The following CIDEB variants were observed in gnomAD, a reference collection of about 807,000 sequenced individuals.
CIDEB encodes the protein cell death inducing DFFA like effector b, also known as lipid transferase CIDEB.
In CIDEB, 27 loss-of-function variants were observed where a neutral mutation model predicts 22.4. The observed-to-expected ratio is 1.21, with a 90% CI of 0.89 to 1.66. The LOEUF is 1.66. Among genes scored for constraint, CIDEB ranks in the 40% most tolerant of loss-of-function variants. The pLI is 0.00. For synonymous variants in CIDEB, 103 were observed against 109.5 expected, an observed-to-expected ratio of 0.94 and a Z score of 0.37; for missense variants, 289 against 268.7, an observed-to-expected ratio of 1.08 and a Z score of -0.53.
chr14:24,308,813 C>T (rs2041599707), upstream of CIDEB: 1 of 152,206 alleles, frequency 6.6e-6, no homozygotes, highest in Admixed American at 6.5e-5. Context: ...CCCAGCTTCC[C>T]CACTTTTTTT....
chr14:24,311,095 C>A (rs895870911), upstream of CIDEB: 1 of 1,562,972 alleles, frequency 6.4e-7, no homozygotes, highest in Non-Finnish European at 8.6e-7. Context: ...CTGCTGCTGG[C>A]GGTCTGGCTG....
chr14:24,310,660 G>A, upstream of CIDEB: 1 of 1,614,172 alleles, frequency 6.2e-7, no homozygotes, highest in East Asian at 2.2e-5. Flanking sequence ...TGTAGGCCCA[G>A]AAGGATGTCG....
chr14:24,305,881 A>G, intron 4 of CIDEB, 66 bp downstream of exon 4: 1 of 1,584,040 alleles, frequency 6.3e-7, no homozygotes, highest in South Asian at 1.2e-5. Flanking sequence ...GGTGGGTGCA[A>G]GAGGACGAAT....
Position 24,307,361 on chromosome 14 carries a change from G to C in CIDEB, c.186+10C>G, listed in dbSNP as rs903342775. ...CCTGCTATAGGAACCGAGGAACTTG[G>C]CCTACTTACTTTGGCTAGCAGCTCC... On this transcript the variant is annotated intron_variant, in intron 2 of 4. Transcript: ENST00000554411. 2.0e-5 allele frequency: 33 copies of C among 1,610,746 alleles called. No homozygotes were observed. The highest frequency in any genetic ancestry group is 6.7e-5 in the Admixed American group (4 of 59,648).
upstream of CIDEB, chr14:24,310,614 A>G: frequency 6.3e-7 from 1 of 1,592,880 alleles, no homozygotes; most frequent in Non-Finnish European, 8.6e-7. Context: ...GTTTTGCCCC[A>G]CCCCTGAACG....
upstream of CIDEB, chr14:24,309,191 G>T (rs2041612673): frequency 6.6e-6 from 1 of 152,146 alleles, no homozygotes; most frequent in Non-Finnish European, 1.5e-5. Context: ...CCTACTGAAG[G>T]GACTTAACAT....
At chr14:24,307,160 TC>T in intron 2 of CIDEB, 1 of 471,464 alleles carries the variant, frequency 2.1e-6, no homozygotes, top group Non-Finnish European at 3.8e-6. Context: ...TCTCCCTATC[TC>T]CTGCTAACCC....
intron 4 of CIDEB, 41 bp from the exon 5 acceptor site, chr14:24,305,806 A>C: frequency 6.2e-7 from 1 of 1,605,826 alleles, no homozygotes; most frequent in Non-Finnish European, 8.5e-7. Context: ...GATTTGGAAA[A>C]CTTGGGAGGA....
chr14:24,306,413 C>T lies in CIDEB; in HGVS notation c.297G>A (p.Leu99=), dbSNP rs111651535. ...FFQLLEDDTC[L]MVLQSGQSWS... ...AGCTCTGACCAGACTGCAACACCAT[C>T]AGGCACGTGTCATCCTCCAGCAGCT... The change falls in exon 3 of 5, where the codon CTG becomes CTA. Residue 99 remains leucine, a synonymous_variant. Transcript: ENST00000554411. 28 of 1,614,254 alleles carry T rather than the reference C, an allele frequency of 1.7e-5. 1 individual carries two copies. The highest frequency in any genetic ancestry group is 1.3e-4 in the African/African-American group (10 of 75,054).
At chr14:24,310,979 G>A, upstream of CIDEB, 1 of 1,590,582 alleles carries the variant, frequency 6.3e-7, no homozygotes, top group Non-Finnish European at 8.5e-7. Context: ...CGCTCAGCAT[G>A]TACGCCAGCG....
chr14:24,310,626 C>G (rs1446100918), upstream of CIDEB: 1 of 1,610,138 alleles, frequency 6.2e-7, no homozygotes, highest in Non-Finnish European at 8.5e-7. Context: ...CCCTGAACGC[C>G]CTCTGTGGCG....
chr14:24,305,918 T>G, intron 4 of CIDEB, 29 bp downstream of exon 4: 1 of 1,604,010 alleles, frequency 6.2e-7, no homozygotes, highest in Non-Finnish European at 8.5e-7. Flanking sequence ...CTGTAGGGGA[T>G]GGGGCAGTAT....
upstream of CIDEB, chr14:24,308,328 A>G (rs772727016): frequency 6.6e-5 from 15 of 226,922 alleles, no homozygotes; most frequent in Non-Finnish European, 1.2e-4. Flanking sequence ...AACCCGGGGC[A>G]GAGTGTGGGG....
At chr14:24,307,339 G>A (rs745558177) in intron 2 of CIDEB, 32 bp downstream of exon 2, 3 of 1,598,334 alleles carry the variant, frequency 1.9e-6, no homozygotes, top group Non-Finnish European at 2.6e-6. Context: ...GGCTACCCCT[G>A]CTATAGGAAC....
At chr14:24,307,732 G>T in intron 1 of CIDEB, 86 bp downstream of exon 1, 1 of 1,422,574 alleles carries the variant, frequency 7.0e-7, no homozygotes, top group Non-Finnish European at 9.7e-7. Flanking sequence ...AGGGGTACTG[G>T]TTAGTCTCCT....
chr14:24,306,668 A>G, intron 2 of CIDEB, 145 bp from the exon 3 acceptor site: 1 of 968,738 alleles, frequency 1.0e-6, no homozygotes, highest in Admixed American at 2.3e-5. Flanking sequence ...TAAAGGTTGC[A>G]GCTCTCCGTG....
rs1366435145 is a variant in CIDEB at position 24,305,478 on chromosome 14, T to C, written c.*155A>G. 1.9e-5 allele frequency: 17 copies of C among 874,768 alleles called. No homozygotes were observed. Among genetic ancestry groups the C allele is most frequent in the South Asian group, 8.8e-5 (5 of 56,944 alleles). The allele number at this position is 874,768 out of a possible 1,614,324, so 54.2% of individuals were successfully genotyped here. A position where few individuals can be genotyped will look rare whatever the true frequency, so the allele number is the denominator to read the frequency against. On this transcript the variant is annotated 3_prime_UTR_variant, in exon 5 of 5. Coordinates refer to ENST00000554411, the MANE Select transcript of CIDEB (RefSeq NM_001393339.1). ...TATAGACTTGGGATGTGAGGCGTTATGCTGAAAGGTTCTGTCACGAGGGGA... is the reference window on the plus strand; with the variant it reads ...TATAGACTTGGGATGTGAGGCGTTACGCTGAAAGGTTCTGTCACGAGGGGA...
intron 2 of CIDEB, 25 bp from the exon 3 acceptor site, chr14:24,306,548 G>C: frequency 6.2e-7 from 1 of 1,614,212 alleles, no homozygotes; most frequent in Non-Finnish European, 8.5e-7. Context: ...GAAGCAAGAA[G>C]GGCAGGTCTT....
chr14:24,311,293 G>T, upstream of CIDEB: 1 of 1,589,264 alleles, frequency 6.3e-7, no homozygotes. Flanking sequence ...CGGCTGCGGG[G>T]CGCCCGCTGG....
Sources: allele counts gnomAD v4.1 joint callset, GRCh38; gene constraint gnomAD v4.1.1; transcripts MANE v1.5; gene names NCBI Gene and HGNC (gene_info 2026-07-23, HGNC 2026-07-21).